RETREG1: variants seen among roughly 807,000 people sequenced by gnomAD.
RETREG1 encodes the protein reticulophagy regulator 1.
RETREG1 carries 44 observed loss-of-function variants against 54.8 expected under a neutral mutation model. That is an observed-to-expected ratio of 0.80 (90% CI 0.63 to 1.03). The LOEUF (loss-of-function observed/expected upper bound fraction) is 1.03. RETREG1 is among the 50% of genes least tolerant of loss of function. The pLI, the probability that RETREG1 is intolerant of heterozygous loss-of-function variation, is 0.00. For missense variants in RETREG1, 554 were observed against 605.1 expected (o/e 0.92, Z 0.89); for synonymous variants, 217 against 238.5 (o/e 0.91, Z 0.83).
chr5:16,591,577 T>G (rs1579714339), intron 1 of RETREG1, among the ~76,000 whole-genome samples: 1 of 152,204 alleles, frequency 6.6e-6, no homozygotes, highest in Non-Finnish European at 1.5e-5. Context: ...CCAATTCACA[T>G]GGCTTTGCTA....
At chr5:16,517,535 T>C (rs1012981915) in intron 3 of RETREG1, among the ~76,000 whole-genome samples, 23 of 152,196 alleles carry the variant, frequency 1.5e-4, no homozygotes, top group African/African-American at 5.3e-4. Flanking sequence ...ATGGAAGCTA[T>C]ACTCAATTCT....
intron 3 of RETREG1, among the ~76,000 whole-genome samples, chr5:16,539,347 C>T (rs1741171528): frequency 6.6e-6 from 1 of 152,152 alleles, no homozygotes; most frequent in Admixed American, 6.5e-5. Context: ...AGATGATGGG[C>T]CATGAAACAC....
chr5:16,541,091 A>G lies in RETREG1; in HGVS notation c.458+24672T>C, dbSNP rs77146076. On this transcript the variant is annotated intron_variant, in intron 3 of 8. Coordinates refer to ENST00000306320, the MANE Select transcript of RETREG1 (RefSeq NM_001034850.3). ...AACAAATAATCACACTTTCTGTCAT[A>G]TTTAATTTGTACTATGGTCTGAATG... Among the ~76,000 whole-genome samples, 860 of 152,266 alleles carry G rather than the reference A, an allele frequency of 5.6e-3. 11 individuals carry two copies. Among genetic ancestry groups the G allele is most frequent in the African/African-American group, 0.019 (802 of 41,564 alleles).
In RETREG1 at chr5:16,474,189, T is replaced by G. The variant is rs1376378707; in HGVS notation, c.*552A>C. On this transcript the variant is annotated 3_prime_UTR_variant, in exon 9 of 9. Transcript: ENST00000306320. ...AGAGTACTTAAATATACTTTTAAAT[T>G]TTTTCCTAAGAAATTAATTTTGATA... 6.4e-6 allele frequency: 1 copy of G among 157,476 alleles called. No individual in the cohort carries two copies. The highest frequency in any genetic ancestry group is 6.3e-5 in the Admixed American group (1 of 15,754). The allele number at this position is 157,476 out of a possible 1,614,324, so 9.8% of individuals were successfully genotyped here. A position where few individuals can be genotyped will look rare whatever the true frequency, so the allele number is the denominator to read the frequency against.
At chr5:16,572,150 C>A in intron 1 of RETREG1, 48 bp from the exon 2 acceptor site, 1 of 1,433,664 alleles carries the variant, frequency 7.0e-7, no homozygotes, top group Non-Finnish European at 9.8e-7. Flanking sequence ...GGATTTTTAA[C>A]CTTTTCAAAA....
chr5:16,568,626 A>G (rs1294601511), intron 2 of RETREG1, among the ~76,000 whole-genome samples: 1 of 152,070 alleles, frequency 6.6e-6, no homozygotes, highest in Non-Finnish European at 1.5e-5. Context: ...AAAGATTGTA[A>G]CTGGGAGTCG....
intron 3 of RETREG1, among the ~76,000 whole-genome samples, chr5:16,536,480 A>C (rs1359796624): frequency 1.3e-5 from 2 of 152,178 alleles, no homozygotes; most frequent in Non-Finnish European, 2.9e-5. Flanking sequence ...CTCACCAAGC[A>C]GGAATCGCCA....
intron 1 of RETREG1, among the ~76,000 whole-genome samples, chr5:16,590,718 A>T (rs990241440): frequency 5.9e-5 from 9 of 152,122 alleles, no homozygotes; most frequent in African/African-American, 2.2e-4. Context: ...AGAGTAAGTC[A>T]TTGGACTGGG....
chr5:16,540,076 TAC>T (rs1401319526), intron 3 of RETREG1, among the ~76,000 whole-genome samples: 15 of 152,208 alleles, frequency 9.9e-5, no homozygotes, highest in African/African-American at 2.7e-4. Flanking sequence ...CTGATAGGAA[TAC>T]AGACACTCAG....
chr5:16,581,053 C>T (rs1406099888), intron 1 of RETREG1, among the ~76,000 whole-genome samples: 1 of 152,182 alleles, frequency 6.6e-6, no homozygotes, highest in Non-Finnish European at 1.5e-5. Context: ...CATGTTCAGG[C>T]CTTCTCAAGG....
chr5:16,508,021 C>A (rs1257737951), intron 3 of RETREG1, among the ~76,000 whole-genome samples: 2 of 152,164 alleles, frequency 1.3e-5, no homozygotes, highest in African/African-American at 4.8e-5. Context: ...CTCTTGATCT[C>A]CCCCTTCTCA....
At chr5:16,556,688 C>A (rs956427582) in intron 3 of RETREG1, among the ~76,000 whole-genome samples, 11 of 152,124 alleles carry the variant, frequency 7.2e-5, no homozygotes, top group Admixed American at 2.0e-4. Context: ...AATCCTGGAT[C>A]CCCTAGTTTC....
chr5:16,557,970 C>A (rs547091696), intron 3 of RETREG1, among the ~76,000 whole-genome samples: 2 of 150,818 alleles, frequency 1.3e-5, no homozygotes, highest in South Asian at 4.2e-4. Flanking sequence ...GTTTTTATAG[C>A]AGGAGTGGGT....
At position 16,532,021 on chromosome 5, in the gene RETREG1, A is replaced by ATTATC. The variant is rs1339756071; in HGVS notation, c.458+33737_458+33741dup. Among the ~76,000 whole-genome samples, 3 of 152,162 alleles carry ATTATC rather than the reference A, an allele frequency of 2.0e-5. No homozygotes were observed. The East Asian group carries it at 5.8e-4, about 29-fold the overall frequency. On this transcript the variant is annotated intron_variant, in intron 3 of 8. Coordinates refer to ENST00000306320, the MANE Select transcript of RETREG1 (RefSeq NM_001034850.3). ...GAATAGAGAAAATGGAAATGGACCC[A>ATTATC]TTATCTCCTTGGCCTTGGAAACCTT...
intron 3 of RETREG1, among the ~76,000 whole-genome samples, chr5:16,555,343 G>T (rs2560831): frequency 3.3e-5 from 5 of 151,642 alleles, no homozygotes. Flanking sequence ...GTAGAGACGG[G>T]GTTTCACCAT....
chr5:16,523,447 G>A (rs748635057), intron 3 of RETREG1, among the ~76,000 whole-genome samples: 15 of 152,084 alleles, frequency 9.9e-5, no homozygotes, highest in Admixed American at 7.2e-4. Flanking sequence ...TGTTTTTCTC[G>A]TCATTAGGCT....
intron 2 of RETREG1, among the ~76,000 whole-genome samples, chr5:16,568,423 C>G (rs187084662): frequency 2.6e-5 from 4 of 152,216 alleles, no homozygotes; most frequent in African/African-American, 7.2e-5. Context: ...AGGTGCCCAC[C>G]ACCACGCCCG....
At chr5:16,612,823 G>A (rs1005173484) in intron 1 of RETREG1, among the ~76,000 whole-genome samples, 11 of 151,944 alleles carry the variant, frequency 7.2e-5, no homozygotes, top group African/African-American at 1.5e-4. Context: ...TGCACGTCTC[G>A]GATTCGAGAA....
At chr5:16,500,458 T>A (rs1206278139) in intron 3 of RETREG1, among the ~76,000 whole-genome samples, 1 of 152,082 alleles carries the variant, frequency 6.6e-6, no homozygotes, top group Non-Finnish European at 1.5e-5. Flanking sequence ...AAGAATAATG[T>A]CATGTGGAAG....
Sources: allele counts gnomAD v4.1 joint callset (sites outside exome capture counted in the v4.1 genomes callset), GRCh38; gene constraint gnomAD v4.1.1; transcripts MANE v1.5; gene names NCBI Gene and HGNC (gene_info 2026-07-23, HGNC 2026-07-21).